Variants in ZRANB3 observed in about 807,000 individuals in gnomAD.
ZRANB3 encodes the protein DNA annealing helicase and endonuclease ZRANB3.
Under a neutral mutation model 133.8 loss-of-function variants are expected in ZRANB3, and 125 were observed. The ratio of observed to expected loss-of-function variants is 0.93; its 90% CI spans 0.81 to 1.08. The LOEUF is 1.08. Ranked by LOEUF, ZRANB3 falls within the 50% of genes least tolerant of loss-of-function variation. The probability of loss-of-function intolerance (pLI) is 0.00; values close to 1 mark genes in which losing one functional copy is unlikely to be tolerated. For missense variants in ZRANB3, 1,229 were observed against 1,275.5 expected, an observed-to-expected ratio of 0.96 and a Z score of 0.56; for synonymous variants, 387 against 432.7, an observed-to-expected ratio of 0.89 and a Z score of 1.31.
intron 2 of ZRANB3, among the ~76,000 whole-genome samples, chr2:135,396,907 C>T (rs1687517994): frequency 1.3e-5 from 2 of 151,344 alleles, no homozygotes; most frequent in Admixed American, 1.3e-4. Context: ...CTCATGTACC[C>T]CATAAATATA....
rs1001566431 is a variant in ZRANB3, at chr2:135,198,399, A to G, written c.*1943T>C. 2 of 152,362 alleles carry G rather than the reference A, an allele frequency of 1.3e-5. No homozygotes were observed. The highest frequency in any genetic ancestry group is 1.5e-5 in the Non-Finnish European group (1 of 68,084). 9.4% of individuals were successfully genotyped at this position (152,362 alleles called of 1,614,324 possible). A position where few individuals can be genotyped will look rare whatever the true frequency, so the allele number is the denominator to read the frequency against. ...AAGCTCTGAGACATGTCAGGAAGGG[A>G]TGGGGACGGGCCAGTCAGTGTCCTG... On this transcript the variant is annotated 3_prime_UTR_variant, in exon 21 of 21. Coordinates refer to ENST00000264159, the MANE Select transcript of ZRANB3 (RefSeq NM_032143.4).
intron 4 of ZRANB3, among the ~76,000 whole-genome samples, chr2:135,350,444 G>C (rs1338490914): frequency 1.3e-5 from 2 of 152,124 alleles, no homozygotes; most frequent in African/African-American, 4.8e-5. Flanking sequence ...TTAGTTAAAT[G>C]ATCTTTGAAA....
At position 135,269,825 on chromosome 2, in the gene ZRANB3, TAGGC is replaced by T. The variant is rs756971491; in HGVS notation, c.1207-688_1207-685del. Among the ~76,000 whole-genome samples, 1,284 of 152,308 alleles carry T rather than the reference TAGGC, an allele frequency of 8.4e-3. 6 individuals carry two copies. Among genetic ancestry groups the T allele is most frequent in the Middle Eastern group, 0.051 (15 of 294 alleles). ...CAAAAATGCATGACTTTAATGTTGG[TAGGC>T]TGAATGAAATGTGAACCACGCTTAT... On this transcript the variant is annotated intron_variant, in intron 10 of 20. Transcript: ENST00000264159.
chr2:135,319,244 A>G (rs1683405796), intron 6 of ZRANB3, among the ~76,000 whole-genome samples: 1 of 152,134 alleles, frequency 6.6e-6, no homozygotes, highest in East Asian at 1.9e-4. Context: ...CAAAACAAAA[A>G]ATTTATAAAT....
chr2:135,408,490 A>G (rs1418230995), intron 2 of ZRANB3, among the ~76,000 whole-genome samples: 1 of 152,174 alleles, frequency 6.6e-6, no homozygotes, highest in Non-Finnish European at 1.5e-5. Flanking sequence ...TACCCAAAGG[A>G]TTATAAATCA....
intron 2 of ZRANB3, among the ~76,000 whole-genome samples, chr2:135,457,784 TGA>T (rs1690594175): frequency 6.6e-6 from 1 of 152,098 alleles, no homozygotes; most frequent in African/African-American, 2.4e-5. Flanking sequence ...TTTTTATTGC[TGA>T]GTTATAAGTT....
At chr2:135,464,036 C>A (rs1225758450) in intron 2 of ZRANB3, among the ~76,000 whole-genome samples, 1 of 152,002 alleles carries the variant, frequency 6.6e-6, no homozygotes, top group Non-Finnish European at 1.5e-5. Flanking sequence ...AGAACAACAA[C>A]AAAAACAGAA....
chr2:135,502,658 T>C (rs894804891), intron 2 of ZRANB3, among the ~76,000 whole-genome samples: 1 of 152,176 alleles, frequency 6.6e-6, no homozygotes, highest in East Asian at 1.9e-4. Context: ...ACCACACAAG[T>C]ATGAAATACC....
chr2:135,474,645 T>C (rs1306707202), intron 2 of ZRANB3, among the ~76,000 whole-genome samples: 1 of 152,226 alleles, frequency 6.6e-6, no homozygotes, highest in Non-Finnish European at 1.5e-5. Context: ...GCTGGTATCA[T>C]GCTAGTACAG....
chr2:135,328,908 TTGA>T (rs1358322450), intron 6 of ZRANB3, among the ~76,000 whole-genome samples: 3 of 152,148 alleles, frequency 2.0e-5, no homozygotes, highest in African/African-American at 7.2e-5. Flanking sequence ...TTGGCTGGGG[TTGA>T]TTTTTTCTTG....
chr2:135,387,773 G>A (rs1687045896), intron 3 of ZRANB3, among the ~76,000 whole-genome samples: 1 of 152,110 alleles, frequency 6.6e-6, no homozygotes, highest in Non-Finnish European at 1.5e-5. Context: ...AACGGATTTT[G>A]CAATGTATTT....
chr2:135,367,045 T>C (rs1274604463), intron 3 of ZRANB3, among the ~76,000 whole-genome samples: 2 of 152,054 alleles, frequency 1.3e-5, no homozygotes, highest in East Asian at 1.9e-4. Flanking sequence ...ATAATTTTTA[T>C]ATATTTAAAG....
At chr2:135,253,756 T>C (rs1179461257) in intron 12 of ZRANB3, among the ~76,000 whole-genome samples, 1 of 152,212 alleles carries the variant, frequency 6.6e-6, no homozygotes, top group Non-Finnish European at 1.5e-5. Flanking sequence ...TCAGCTCCAT[T>C]ATAACCTTAT....
chr2:135,270,937 T>C (rs1680482353), intron 10 of ZRANB3, among the ~76,000 whole-genome samples: 1 of 152,236 alleles, frequency 6.6e-6, no homozygotes, highest in Non-Finnish European at 1.5e-5. Context: ...GAGACTGCCA[T>C]TACTTTCCCT....
At position 135,217,583 on chromosome 2, in the gene ZRANB3, T is replaced by A; in HGVS notation, c.2377A>T (p.Ser793Cys). The A allele has an allele frequency of 6.2e-7, 1 of 1,612,690 alleles. No individual in the cohort carries two copies. The highest frequency in any genetic ancestry group is 1.1e-5 in the South Asian group (1 of 90,528). Residue 793 changes from serine (S) to cysteine (C), a missense_variant, in exon 17 of 21, where the codon AGT becomes TGT. Physicochemically the swap from Ser to Cys is moderately radical, Grantham distance 112. Transcript: ENST00000264159. ...CTTTGCTTCATGGCAGTTAGACTAC[T>A]CCATTCTCGAACAAATCTCAAAATC... ...SLILRFVREWSSLTAMKQRII... is the reference protein window; with the variant it reads ...SLILRFVREWCSLTAMKQRII...
In ZRANB3 at chr2:135,401,526, A is replaced by G. The variant is rs147749438; in HGVS notation, c.162-10706T>C. Among the ~76,000 whole-genome samples, 449 of 152,134 alleles carry G rather than the reference A, an allele frequency of 3.0e-3. 3 individuals are homozygous for G. The highest frequency in any genetic ancestry group is 0.01 in the African/African-American group (419 of 41,484). ...GGTGAACTAAACCTCTCCTTTTCCA[A>G]TCTCTTTTTCAACTAGCTGTGGTTA... On this transcript the variant is annotated intron_variant, in intron 2 of 20. Coordinates refer to ENST00000264159, the MANE Select transcript of ZRANB3 (RefSeq NM_032143.4).
intron 12 of ZRANB3, among the ~76,000 whole-genome samples, chr2:135,241,437 C>G (rs1215682183): frequency 6.7e-6 from 1 of 149,188 alleles, no homozygotes; most frequent in Admixed American, 6.7e-5. Flanking sequence ...GAAACTACTA[C>G]TTAAGAGTTT....
chr2:135,200,509 C>T, intron 20 of ZRANB3, 69 bp from the exon 21 acceptor site: 2 of 1,302,300 alleles, frequency 1.5e-6, no homozygotes, highest in Non-Finnish European at 2.1e-6. Flanking sequence ...CTCAAAAACT[C>T]TTTATATTGT....
At chr2:135,455,229 C>T (rs1033821731) in intron 2 of ZRANB3, among the ~76,000 whole-genome samples, 2 of 98,194 alleles carry the variant, frequency 2.0e-5, no homozygotes, top group African/African-American at 3.9e-5. Flanking sequence ...GCTCTTGTTG[C>T]CCAGGTTGGA....
Sources: gnomAD v4.1 joint callset for allele counts (sites outside exome capture counted in the v4.1 genomes callset) on GRCh38, gnomAD v4.1.1 for gene constraint, MANE v1.5 for transcripts, NCBI Gene and HGNC (gene_info 2026-07-23, HGNC 2026-07-21) for gene names.